INPP5D: variants seen among roughly 807,000 people sequenced by gnomAD.
INPP5D encodes the protein inositol polyphosphate-5-phosphatase D.
In INPP5D, 33 loss-of-function variants were observed where a neutral mutation model predicts 122.9. The ratio of observed to expected loss-of-function variants is 0.27; its 90% CI spans 0.20 to 0.36. The LOEUF is 0.36. Ranked by LOEUF, INPP5D falls within the 10% of genes least tolerant of loss-of-function variation. The pLI, the probability that INPP5D is intolerant of heterozygous loss-of-function variation, is 1.00. For synonymous variants in INPP5D, 584 were observed against 576.2 expected, an observed-to-expected ratio of 1.01 and a Z score of -0.19; for missense variants, 1,053 against 1,412.7, an observed-to-expected ratio of 0.75 and a Z score of 4.08.
chr2:233,103,702 C>CTTTT (rs61589704), intron 2 of INPP5D, among the ~76,000 whole-genome samples: 10 of 116,110 alleles, frequency 8.6e-5, no homozygotes, highest in African/African-American at 2.0e-4. Flanking sequence ...AAAAGTAGTT[C>CTTTT]TTTTTTTTTT....
intron 2 of INPP5D, among the ~76,000 whole-genome samples, chr2:233,113,656 G>A (rs566912019): frequency 3.9e-5 from 6 of 152,120 alleles, no homozygotes; most frequent in Admixed American, 6.5e-5. Context: ...CCAAGTTACT[G>A]CAGCCAGAGA....
At chr2:233,126,522 C>T (rs776286527) in intron 4 of INPP5D, among the ~76,000 whole-genome samples, 2 of 152,218 alleles carry the variant, frequency 1.3e-5, no homozygotes, top group Non-Finnish European at 2.9e-5. Flanking sequence ...ATTCTGTGCA[C>T]GCTCCTTGAT....
intron 2 of INPP5D, among the ~76,000 whole-genome samples, chr2:233,084,657 A>C (rs943650630): frequency 6.6e-6 from 1 of 152,238 alleles, no homozygotes; most frequent in African/African-American, 2.4e-5. Context: ...AGCGAGTGGC[A>C]GCTGTTATTG....
chr2:233,184,601 C>T lies in INPP5D; in HGVS notation c.2275+80C>T. ...ACACCTTTCATACTTGGCACTTTGC[C>T]CCATATCTTCTCTCCCTGGAAAGGA... On this transcript the variant is annotated intron_variant, in intron 20 of 26. Transcript: ENST00000445964. 3 of 1,543,350 alleles carry T rather than the reference C, an allele frequency of 1.9e-6. No homozygotes were observed. In the South Asian group the frequency reaches 3.6e-5, roughly 19 times the overall value.
intron 2 of INPP5D, among the ~76,000 whole-genome samples, chr2:233,108,486 T>C (rs79974003): frequency 0.066 from 10,069 of 152,330 alleles, 630 homozygotes; most frequent in African/African-American, 0.16. Context: ...TGGCCCACTT[T>C]CTTCCACATC....
At chr2:233,158,547 TG>T in intron 10 of INPP5D, 128 bp downstream of exon 10, 1 of 537,634 alleles carries the variant, frequency 1.9e-6, no homozygotes, top group Non-Finnish European at 3.3e-6. Context: ...ATTTCACACC[TG>T]GGAAAGGTGA....
At position 233,105,287 on chromosome 2, in the gene INPP5D, C is replaced by T. The variant is rs188666179; in HGVS notation, c.199-16820C>T. On this transcript the variant is annotated intron_variant, in intron 2 of 26. Coordinates refer to ENST00000445964, the MANE Select transcript of INPP5D (RefSeq NM_001017915.3). The surrounding 1 kb of genome is among the most constrained non-coding windows in gnomAD (Gnocchi z 4.0). ...TAAGAACCTGGCTATGGTTGGAAAC[C>T]GTCATTTCTATCTACACCTGTGCTT... Among the ~76,000 whole-genome samples the T allele has an allele frequency of 9.1e-4, 138 of 152,210 alleles. 1 individual carries two copies. The highest frequency in any genetic ancestry group is 3.1e-3 in the African/African-American group (130 of 41,522).
rs1694460295 is a variant in INPP5D at position 233,170,331 on chromosome 2, C to A, written c.1792-165C>A. The A allele has an allele frequency of 2.7e-6, 4 of 1,479,894 alleles. No individual in the cohort carries two copies. In the Admixed American group the frequency reaches 8.8e-5, roughly 33 times the overall value. The allele number at this position is 1,479,894 out of a possible 1,614,324, so 91.7% of individuals were successfully genotyped here. ...CCATTACTGAGCCTCAGCCGCTCCT[C>A]ACGGTTCCCCTGTGCTCACACCCGG... On this transcript the variant is annotated intron_variant, in intron 15 of 26. Transcript: ENST00000445964. The surrounding 1 kb of genome is among the most constrained non-coding windows in gnomAD (Gnocchi z 4.5).
chr2:233,124,930 G>GA (rs1174268000), intron 3 of INPP5D, among the ~76,000 whole-genome samples: 1 of 152,270 alleles, frequency 6.6e-6, no homozygotes, highest in Admixed American at 6.5e-5. Flanking sequence ...AGACCGTGGA[G>GA]CTCGAAGCAG....
At chr2:233,175,157 G>T (rs1372887462) in intron 17 of INPP5D, among the ~76,000 whole-genome samples, 7 of 147,264 alleles carry the variant, frequency 4.8e-5, no homozygotes, top group African/African-American at 1.8e-4. Flanking sequence ...GGTGGAGATG[G>T]TGGTGAGCCG....
At chr2:233,153,052 C>T (rs1400053499) in intron 9 of INPP5D, among the ~76,000 whole-genome samples, 1 of 152,162 alleles carries the variant, frequency 6.6e-6, no homozygotes, top group East Asian at 1.9e-4. Flanking sequence ...CAAAGGTAGA[C>T]CAGCCAGCAC....
At chr2:233,118,842 G>A (rs1438644336) in intron 2 of INPP5D, among the ~76,000 whole-genome samples, 1 of 152,250 alleles carries the variant, frequency 6.6e-6, no homozygotes, top group Non-Finnish European at 1.5e-5. Context: ...TGCCATCCAT[G>A]AGGCTTGGCT....
Position 233,206,892 on chromosome 2 carries a change from A to C in INPP5D, c.*184A>C. On this transcript the variant is annotated 3_prime_UTR_variant, in exon 27 of 27. Coordinates refer to ENST00000445964, the MANE Select transcript of INPP5D (RefSeq NM_001017915.3). This position sits in a 1 kb window ranked among gnomAD's most constrained non-coding sequence, Gnocchi z 4.0. ...TCACTGCCTGTGAGACTTAGCACCA[A>C]GTGCTGAGGCTGGAAGAAAAACGCA... 1.7e-6 allele frequency: 1 copy of C among 587,264 alleles called. No homozygotes were observed. Among genetic ancestry groups the C allele is most frequent in the East Asian group, 3.0e-5 (1 of 33,076 alleles). 36.4% of individuals were successfully genotyped at this position (587,264 alleles called of 1,614,324 possible). A position where few individuals can be genotyped will look rare whatever the true frequency, so the allele number is the denominator to read the frequency against.
At chr2:233,147,742 C>T (rs959425692) in intron 9 of INPP5D, 148 bp downstream of exon 9, 19 of 605,876 alleles carry the variant, frequency 3.1e-5, no homozygotes, top group African/African-American at 3.0e-4. Flanking sequence ...GTGTGTGTGT[C>T]TCTTCTCTTC....
At chr2:233,121,722 C>T (rs1321555241) in intron 2 of INPP5D, among the ~76,000 whole-genome samples, 1 of 151,820 alleles carries the variant, frequency 6.6e-6, no homozygotes, top group Non-Finnish European at 1.5e-5. Flanking sequence ...GATGGGGTTT[C>T]ATCGTGTTGG....
At chr2:233,162,950 A>C (rs1307839830) in intron 11 of INPP5D, among the ~76,000 whole-genome samples, 1 of 152,144 alleles carries the variant, frequency 6.6e-6, no homozygotes, top group Non-Finnish European at 1.5e-5. Flanking sequence ...CCCACAGAAG[A>C]GTATGGAAGG....
intron 5 of INPP5D, among the ~76,000 whole-genome samples, chr2:233,132,414 T>C (rs1693353983): frequency 6.6e-6 from 1 of 152,196 alleles, no homozygotes; most frequent in South Asian, 2.1e-4. Flanking sequence ...CCCCAACTTG[T>C]CTTCTTCTCG....
At chr2:233,150,458 G>A (rs1365967482) in intron 9 of INPP5D, among the ~76,000 whole-genome samples, 1 of 152,108 alleles carries the variant, frequency 6.6e-6, no homozygotes. Context: ...CCCAGTCTTG[G>A]GTATGTCTTT....
At chr2:233,080,079 G>A (rs915496690) in intron 2 of INPP5D, among the ~76,000 whole-genome samples, 8 of 152,048 alleles carry the variant, frequency 5.3e-5, no homozygotes, top group Non-Finnish European at 8.8e-5. Context: ...ATAGGTGCCC[G>A]CCACCATGCC....
Sources: gnomAD v4.1 joint callset for allele counts (sites outside exome capture counted in the v4.1 genomes callset) on GRCh38, gnomAD v4.1.1 for gene constraint, Gnocchi (gnomAD v3.1) non-coding constraint, MANE v1.5 for transcripts, NCBI Gene and HGNC (gene_info 2026-07-23, HGNC 2026-07-21) for gene names.